The following SYT2 variants were observed in gnomAD, a reference collection of about 807,000 sequenced individuals.
SYT2 encodes synaptotagmin-2.
A neutral mutation model predicts 39.9 loss-of-function variants in SYT2; 15 were observed. The ratio of observed to expected loss-of-function variants is 0.38; its 90% CI spans 0.25 to 0.58. The LOEUF (loss-of-function observed/expected upper bound fraction) is 0.58, where lower values mean the gene tolerates loss of function less well. SYT2 is among the 20% of genes least tolerant of loss of function. The probability of loss-of-function intolerance (pLI) is 0.70; values close to 1 mark genes in which losing one functional copy is unlikely to be tolerated. For synonymous variants in SYT2, 181 were observed against 204.5 expected, an observed-to-expected ratio of 0.89 and a Z score of 0.98; for missense variants, 389 against 530.3, an observed-to-expected ratio of 0.73 and a Z score of 2.62.
At chr1:202,647,308 G>A (rs1692104863) in intron 1 of SYT2, among the ~76,000 whole-genome samples, 1 of 152,192 alleles carries the variant, frequency 6.6e-6, no homozygotes. Flanking sequence ...TATGTTTCCA[G>A]GGCCCGTAGA....
At position 202,626,425 on chromosome 1, in the gene SYT2, T is replaced by TC. The variant is rs1279901835; in HGVS notation, c.-17-20637_-17-20636insG. 3.4e-5 allele frequency among the ~76,000 whole-genome samples: 5 copies of TC among 146,822 alleles called. No homozygotes were observed. The South Asian group carries it at 9.0e-4, about 27-fold the overall frequency. ...TTTTTTTTTTTTTTTTTTTTTTTTT[T>TC]TGAGACAGGGTCTCACTCTGTCACC... On this transcript the variant is annotated intron_variant, in intron 1 of 8. Coordinates refer to ENST00000367268, the MANE Select transcript of SYT2 (RefSeq NM_177402.5).
chr1:202,615,132 G>C (rs554458730), intron 1 of SYT2, among the ~76,000 whole-genome samples: 1 of 152,334 alleles, frequency 6.6e-6, no homozygotes, highest in African/African-American at 2.4e-5. Context: ...GAATCCACCA[G>C]AGGAAAATGA....
Position 202,592,495 on chromosome 1 carries a change from G to A in SYT2, c.*4262C>T, listed in dbSNP as rs886636074. The stretch of plus-strand genomic sequence containing the variant: ...ATGGGTTTGAGGTTGGGGATCAAGG[G>A]GACTCTCAGCATTGCCATGCGGCTA... On this transcript the variant is annotated 3_prime_UTR_variant, in exon 9 of 9. Coordinates refer to ENST00000367268, the MANE Select transcript of SYT2 (RefSeq NM_177402.5). 3.9e-5 allele frequency: 6 copies of A among 152,190 alleles called. No homozygotes were observed. Among genetic ancestry groups the A allele is most frequent in the South Asian group, 2.1e-4 (1 of 4,822 alleles). The allele number at this position is 152,190 out of a possible 1,614,324, so 9.4% of individuals were successfully genotyped here. A position where few individuals can be genotyped will look rare whatever the true frequency, so the allele number is the denominator to read the frequency against.
chr1:202,637,685 C>A (rs1691777763), intron 1 of SYT2, among the ~76,000 whole-genome samples: 1 of 152,270 alleles, frequency 6.6e-6, no homozygotes, highest in Admixed American at 6.5e-5. Context: ...CAGTATCTCT[C>A]CTGGCTGCAG....
intron 1 of SYT2, among the ~76,000 whole-genome samples, chr1:202,612,606 A>G (rs765385731): frequency 1.4e-4 from 22 of 152,180 alleles, no homozygotes; most frequent in Admixed American, 1.2e-3. Flanking sequence ...GGCTCATGCA[A>G]TCCACCTGCC....
intron 1 of SYT2, among the ~76,000 whole-genome samples, chr1:202,631,404 G>C (rs564220755): frequency 6.6e-6 from 1 of 152,296 alleles, no homozygotes; most frequent in South Asian, 2.1e-4. Context: ...GGTTTCTAAT[G>C]TTCTGCTGCA....
At chr1:202,684,127 A>G (rs1653598127) in intron 1 of SYT2, among the ~76,000 whole-genome samples, 1 of 152,186 alleles carries the variant, frequency 6.6e-6, no homozygotes, top group Admixed American at 6.5e-5. Flanking sequence ...TAGTGAAATC[A>G]TTACTACAGG....
intron 1 of SYT2, among the ~76,000 whole-genome samples, chr1:202,621,015 A>G (rs1445068249): frequency 1.3e-5 from 2 of 152,168 alleles, no homozygotes; most frequent in African/African-American, 4.8e-5. Context: ...GTAAAAGGGT[A>G]GGGGAGAAGT....
intron 1 of SYT2, among the ~76,000 whole-genome samples, chr1:202,686,924 A>G (rs998524847): frequency 2.6e-5 from 4 of 151,788 alleles, no homozygotes; most frequent in African/African-American, 4.8e-5. Flanking sequence ...TCAAGCACCA[A>G]CTCAAGCTCC....
At chr1:202,698,267 C>T (rs944172301) in intron 1 of SYT2, among the ~76,000 whole-genome samples, 2 of 152,158 alleles carry the variant, frequency 1.3e-5, no homozygotes, top group Non-Finnish European at 2.9e-5. Flanking sequence ...GACAGCAGTA[C>T]AGTCAAGGTT....
intron 1 of SYT2, among the ~76,000 whole-genome samples, chr1:202,619,434 G>A (rs1691144200): frequency 2.0e-5 from 3 of 152,330 alleles, no homozygotes; most frequent in African/African-American, 7.2e-5. Flanking sequence ...TGAAGAGGTA[G>A]GGGTCTGGGA....
At chr1:202,665,132 G>A (rs1692457988) in intron 1 of SYT2, among the ~76,000 whole-genome samples, 1 of 152,124 alleles carries the variant, frequency 6.6e-6, no homozygotes, top group Admixed American at 6.5e-5. Context: ...ACAGTCTTCT[G>A]TTCTAAGAAA....
At chr1:202,607,867 C>G (rs889360079) in intron 1 of SYT2, among the ~76,000 whole-genome samples, 9 of 150,258 alleles carry the variant, frequency 6.0e-5, no homozygotes, top group African/African-American at 2.2e-4. Context: ...CCACACTGTT[C>G]AGGGCTCTGT....
At chr1:202,625,453 G>A (rs1691372489) in intron 1 of SYT2, among the ~76,000 whole-genome samples, 1 of 108,740 alleles carries the variant, frequency 9.2e-6, no homozygotes, top group Non-Finnish European at 2.0e-5. Context: ...GGTGTTGCCA[G>A]TGTGCGGGGA....
intron 1 of SYT2, among the ~76,000 whole-genome samples, chr1:202,617,025 G>A (rs1691060829): frequency 6.6e-6 from 1 of 152,212 alleles, no homozygotes; most frequent in South Asian, 2.1e-4. Context: ...AGCCATCCCA[G>A]GGAGACAGGC....
chr1:202,600,474 G>A lies in SYT2; in HGVS notation c.802C>T (p.Pro268Ser). 1.9e-6 allele frequency: 3 copies of A among 1,614,032 alleles called. No individual in the cohort carries two copies. ...RDLQGGEKEE[P>S]EKLGDICTSL... is the part of the protein sequence containing the mutation. ...GTGCAGATGTCGCCCAGCTTCTCCG[G>A]CTGTCCAGGGGAAGAGCAGGACTTG... Residue 268 changes from proline to serine, a missense_variant and splice_region_variant, in exon 7 of 9, where the codon CCG becomes TCG. By Grantham distance (74) the Pro-to-Ser change is moderately conservative. Coordinates refer to ENST00000367268, the MANE Select transcript of SYT2 (RefSeq NM_177402.5).
In SYT2 at chr1:202,640,776, GAGAGAGAGAGAGAGAGACAGAC is replaced by G. The variant is rs1197913604; in HGVS notation, c.-17-35009_-17-34988del. On this transcript the variant is annotated intron_variant, in intron 1 of 8. Transcript: ENST00000367268. Reference sequence around the variant, plus strand: ...AGAGAGAGAGAGAGAGAGAGAGAGAGAGAGAGAGAGAGAGAGACAGACAGACAGAGAGACAGAGAGACAGTGA... The same window carrying G: ...AGAGAGAGAGAGAGAGAGAGAGAGAGAGACAGAGAGACAGAGAGACAGTGA... 4.7e-3 allele frequency among the ~76,000 whole-genome samples: 669 copies of G among 141,896 alleles called. 14 individuals are homozygous for G. Among genetic ancestry groups the G allele is most frequent in the African/African-American group, 0.016 (550 of 35,242 alleles). 93.1% of individuals were successfully genotyped at this position (141,896 alleles called of 152,430 possible).
chr1:202,647,466 A>G (rs144584498), intron 1 of SYT2, among the ~76,000 whole-genome samples: 10 of 151,660 alleles, frequency 6.6e-5, no homozygotes, highest in East Asian at 3.9e-4. Flanking sequence ...TCCCCCCCCA[A>G]CCGTACTCCA....
Position 202,600,397 on chromosome 1 carries a change from C to T in SYT2, c.879G>A (p.Glu293=), listed in dbSNP as rs1690456646. Residue 293 remains glutamate, a synonymous_variant, in exon 7 of 9, where the codon GAG becomes GAA. Coordinates refer to ENST00000367268, the MANE Select transcript of SYT2 (RefSeq NM_177402.5). ...CGTCCATCTTCTTGAGGTTCTTAGC[C>T]TCCAGGATGCAGACAGTGAGCTTCC... is the stretch of plus-strand genomic sequence containing the variant. The part of the protein sequence containing the change: ...TAGKLTVCIL[E]AKNLKKMDVG... The T allele has an allele frequency of 3.1e-6, 5 of 1,614,228 alleles. No individual in the cohort carries two copies. Among genetic ancestry groups the T allele is most frequent in the Non-Finnish European group, 4.2e-6 (5 of 1,180,050 alleles).
Sources: allele counts gnomAD v4.1 joint callset (sites outside exome capture counted in the v4.1 genomes callset), GRCh38; gene constraint gnomAD v4.1.1; transcripts MANE v1.5; gene names NCBI Gene and HGNC (gene_info 2026-07-23, HGNC 2026-07-21).